Variants in TNRC6C observed in about 807,000 individuals in gnomAD.
TNRC6C encodes trinucleotide repeat containing adaptor 6C, also known as trinucleotide repeat-containing gene 6C protein.
A neutral mutation model predicts 153.7 loss-of-function variants in TNRC6C; 20 were observed. The ratio of observed to expected loss-of-function variants is 0.13; its 90% CI spans 0.09 to 0.19. TNRC6C has a LOEUF of 0.19. Among genes scored for constraint, TNRC6C ranks in the 10% least tolerant of loss-of-function variants. TNRC6C has a pLI of 1.00. For synonymous variants in TNRC6C, 811 were observed against 841.4 expected, an observed-to-expected ratio of 0.96 and a Z score of 0.63; for missense variants, 1,987 against 2,172.0, an observed-to-expected ratio of 0.91 and a Z score of 1.69.
chr17:78,104,087 C>T lies in TNRC6C; in HGVS notation c.4713-398C>T, dbSNP rs149939255. On this transcript the variant is annotated intron_variant, in intron 19 of 19. Transcript: ENST00000301624. The surrounding 1 kb of genome is among the most constrained non-coding windows in gnomAD (Gnocchi z 6.2). ...TGACACATTCCTACACAGGGCCCAG[C>T]AGTGGTCCTCACAGCCAACCCTTCA... Among the ~76,000 whole-genome samples, 325 of 152,296 alleles carry T rather than the reference C, an allele frequency of 2.1e-3. 1 individual carries two copies. Among genetic ancestry groups the T allele is most frequent in the Admixed American group, 4.4e-3 (68 of 15,302 alleles).
chr17:78,089,248 G>T (rs1036380190), intron 13 of TNRC6C, among the ~76,000 whole-genome samples: 2 of 152,046 alleles, frequency 1.3e-5, no homozygotes, highest in African/African-American at 4.8e-5. Context: ...GATTACAGGC[G>T]TGAGCCACCG....
At chr17:78,082,684 C>T (rs557134401) in intron 10 of TNRC6C, among the ~76,000 whole-genome samples, 108 of 151,696 alleles carry the variant, frequency 7.1e-4, no homozygotes, top group Non-Finnish European at 1.1e-3. Flanking sequence ...CATTTATAGG[C>T]TCTCCCCAAG....
At chr17:78,087,200 C>T (rs1408952158) in intron 13 of TNRC6C, 107 bp downstream of exon 15, 2 of 1,506,162 alleles carry the variant, frequency 1.3e-6, no homozygotes, top group Non-Finnish European at 8.9e-7. Flanking sequence ...CTGGCCAGCG[C>T]TGAAACCATA....
rs778004695 is a variant in TNRC6C, at chr17:78,075,172, G to A, written c.2954G>A (p.Arg985His). ...GAAAAGAAGGTGGACGTGGACAAGCGTGGGCTGGGAGTGACCGACCATAAT... is the reference window on the plus strand; with the variant it reads ...GAAAAGAAGGTGGACGTGGACAAGCATGGGCTGGGAGTGACCGACCATAAT... The change falls in exon 8 of 20, where the codon CGT becomes CAT. Residue 985 changes from arginine to histidine, a missense_variant. Physicochemically the swap from Arg to His is conservative, Grantham distance 29 (BLOSUM62 0). Around this residue, in one of 4 missense-constraint regions of TNRC6C, gnomAD observed 765 missense variants for 908.6 expected, o/e 0.84. Transcript: ENST00000301624. The surrounding 1 kb of genome is among the most constrained non-coding windows in gnomAD (Gnocchi z 4.2). The A allele has an allele frequency of 4.9e-5, 79 of 1,612,804 alleles. No homozygotes were observed. The highest frequency in any genetic ancestry group is 5.8e-5 in the Non-Finnish European group (68 of 1,179,438).
exon 20 of TNRC6C, chr17:78,108,264 C>G (rs2073742749): frequency 6.5e-6 from 1 of 154,490 alleles, no homozygotes; most frequent in African/African-American, 2.4e-5. Flanking sequence ...CCCCCCCACC[C>G]ATGGGGAAGG....
At chr17:78,100,863 C>T (rs1009095005) in intron 17 of TNRC6C, among the ~76,000 whole-genome samples, 1 of 149,400 alleles carries the variant, frequency 6.7e-6, no homozygotes, top group Non-Finnish European at 1.5e-5. Context: ...GCAACCTCTG[C>T]CTCCCAGGTT....
intron 1 of TNRC6C, among the ~76,000 whole-genome samples, chr17:77,984,871 G>T (rs1415942768): frequency 1.3e-5 from 2 of 151,054 alleles, no homozygotes; most frequent in Non-Finnish European, 1.5e-5. Flanking sequence ...AGCTATTATA[G>T]TAAGTATCTA....
chr17:78,102,378 G>T, intron 17 of TNRC6C, 96 bp from the exon 21 acceptor site: 1 of 1,174,156 alleles, frequency 8.5e-7, no homozygotes, highest in Non-Finnish European at 1.2e-6. Flanking sequence ...GTGACGGCCT[G>T]TGCTGTCCCA....
At chr17:78,062,108 T>A (rs2072781023) in intron 3 of TNRC6C, among the ~76,000 whole-genome samples, 1 of 152,214 alleles carries the variant, frequency 6.6e-6, no homozygotes, top group Non-Finnish European at 1.5e-5. Context: ...TGTTAACGTC[T>A]CTGATTTAAT....
Position 78,022,900 on chromosome 17 carries a change from TTTC to T in TNRC6C, c.-545-8613_-545-8611del, listed in dbSNP as rs764049322. On this transcript the variant is annotated intron_variant, in intron 1 of 19. Transcript: ENST00000301624. Reference sequence around the variant, plus strand: ...TGTACTGTACATGTGCAGACCTTTTTTTCTTATTATTCCATAAACAATACAGTA... The same window carrying T: ...TGTACTGTACATGTGCAGACCTTTTTTTATTATTCCATAAACAATACAGTA... Among the ~76,000 whole-genome samples, 56 of 152,238 alleles carry T rather than the reference TTTC, an allele frequency of 3.7e-4. 1 individual carries two copies. Among genetic ancestry groups the T allele is most frequent in the Non-Finnish European group, 2.6e-4 (18 of 68,032 alleles).
At chr17:78,009,786 C>T (rs2071590785) in intron 1 of TNRC6C, among the ~76,000 whole-genome samples, 2 of 152,202 alleles carry the variant, frequency 1.3e-5, no homozygotes, top group Admixed American at 1.3e-4. Context: ...ATCTCCTGAC[C>T]TCGTGATCTG....
rs939439992 is a variant in TNRC6C at position 77,989,191 on chromosome 17, G to A, written c.-37-14979G>A. ...ATGGACTTTTGTTTAGGGATGTCAT[G>A]TGATTCGAGTTGGGCACAATGGCAT... On this transcript the variant is annotated intron_variant, in intron 1 of 22. Coordinates refer to the TNRC6C transcript ENST00000636222. Among the ~76,000 whole-genome samples, 3 of 152,340 alleles carry A rather than the reference G, an allele frequency of 2.0e-5. No individual in the cohort carries two copies. The East Asian group carries it at 5.8e-4, about 29-fold the overall frequency.
At chr17:77,997,083 CAAG>C (rs955816388) in intron 1 of TNRC6C, among the ~76,000 whole-genome samples, 1 of 152,134 alleles carries the variant, frequency 6.6e-6, no homozygotes, top group African/African-American at 2.4e-5. Flanking sequence ...AGTGGCTAGA[CAAG>C]AAGCACCATA....
intron 1 of TNRC6C, among the ~76,000 whole-genome samples, chr17:78,017,270 T>C (rs982160536): frequency 8.5e-5 from 13 of 152,220 alleles, no homozygotes; most frequent in African/African-American, 2.4e-4. Flanking sequence ...TTGGTAGTTA[T>C]GACTTGGGTG....
intron 11 of TNRC6C, among the ~76,000 whole-genome samples, 152 bp from the exon 14 acceptor site, chr17:78,086,351 A>C (rs985524314): frequency 7.0e-6 from 1 of 143,380 alleles, no homozygotes; most frequent in Non-Finnish European, 1.5e-5. Flanking sequence ...AAAAAAAAAA[A>C]AAAAAAAAAC....
chr17:78,008,535 G>A (rs151297630), intron 1 of TNRC6C: 2 of 152,252 alleles, frequency 1.3e-5, no homozygotes, highest in African/African-American at 4.8e-5. Flanking sequence ...GATTCACTTT[G>A]GCTTTCATCA....
intron 1 of TNRC6C, among the ~76,000 whole-genome samples, chr17:78,031,106 T>TAA (rs907737702): frequency 6.9e-6 from 1 of 145,032 alleles, no homozygotes; most frequent in South Asian, 2.2e-4. Context: ...GTCTCACACT[T>TAA]AAAAAAAAAA....
intron 13 of TNRC6C, among the ~76,000 whole-genome samples, chr17:78,090,272 T>G (rs932259784): frequency 6.6e-6 from 1 of 152,178 alleles, no homozygotes; most frequent in Non-Finnish European, 1.5e-5. Context: ...AGCACCTGTT[T>G]ATTTAGACAG....
intron 1 of TNRC6C, among the ~76,000 whole-genome samples, chr17:77,974,491 CAA>C (rs560523229): frequency 0.014 from 2,090 of 151,052 alleles, 25 homozygotes; most frequent in Non-Finnish European, 0.02. Flanking sequence ...CGCCCCGCCC[CAA>C]AAAAAAAGTA....
Sources: allele counts gnomAD v4.1 joint callset (sites outside exome capture counted in the v4.1 genomes callset), GRCh38; gene constraint gnomAD v4.1.1; regional missense constraint gnomAD v4.1.1; non-coding constraint Gnocchi (gnomAD v3.1); transcripts MANE v1.5; gene names NCBI Gene and HGNC (gene_info 2026-07-23, HGNC 2026-07-21).